Variants in PPP4R4 observed in about 807,000 individuals in gnomAD.
PPP4R4 encodes the protein serine/threonine-protein phosphatase 4 regulatory subunit 4.
In PPP4R4, 70 loss-of-function variants were observed where a neutral mutation model predicts 121.8. That is an observed-to-expected ratio of 0.57 (90% CI 0.47 to 0.70). The LOEUF is 0.70. Among genes scored for constraint, PPP4R4 ranks in the 30% least tolerant of loss-of-function variants. The pLI, the probability that PPP4R4 is intolerant of heterozygous loss-of-function variation, is 0.00. For missense variants in PPP4R4, 875 were observed against 1,033.6 expected (o/e 0.85, Z 2.10); for synonymous variants, 348 against 355.7 (o/e 0.98, Z 0.24).
intron 19 of PPP4R4, among the ~76,000 whole-genome samples, chr14:94,261,416 C>A (rs1345190741): frequency 1.3e-5 from 2 of 151,814 alleles, no homozygotes; most frequent in African/African-American, 4.8e-5. Context: ...TATATATTAA[C>A]CTTGTATCTT....
At position 94,233,773 on chromosome 14, in the gene PPP4R4, T is replaced by C; in HGVS notation, c.623+14T>C. 2 of 1,493,276 alleles carry C rather than the reference T, an allele frequency of 1.3e-6. No individual in the cohort carries two copies. The highest frequency in any genetic ancestry group is 1.9e-6 in the Non-Finnish European group (2 of 1,078,168). The allele number at this position is 1,493,276 out of a possible 1,614,324, so 92.5% of individuals were successfully genotyped here. ...TGATGCCCACACGTGAGTATTTGTA[T>C]GTAATTTTCGGTCTACTTTATTACA... On this transcript the variant is annotated intron_variant, in intron 6 of 24. Coordinates refer to ENST00000304338, the MANE Select transcript of PPP4R4 (RefSeq NM_058237.2).
chr14:94,266,482 C>G (rs1327191569), intron 22 of PPP4R4, among the ~76,000 whole-genome samples: 7 of 152,026 alleles, frequency 4.6e-5, no homozygotes, highest in Non-Finnish European at 1.0e-4. Context: ...TTTAAGAAAA[C>G]AAATATCTTT....
At chr14:94,246,597 C>A in intron 14 of PPP4R4, 58 bp downstream of exon 14, 1 of 1,466,164 alleles carries the variant, frequency 6.8e-7, no homozygotes. Context: ...CTGGAATTAC[C>A]AAAACTCTTC....
At chr14:94,257,387 C>A (rs1170740700) in intron 17 of PPP4R4, among the ~76,000 whole-genome samples, 2 of 151,890 alleles carry the variant, frequency 1.3e-5, no homozygotes, top group African/African-American at 4.8e-5. Flanking sequence ...TGTTTTTGAG[C>A]ATTTATTTAT....
chr14:94,195,713 G>A (rs1269353623), intron 2 of PPP4R4, among the ~76,000 whole-genome samples: 1 of 151,690 alleles, frequency 6.6e-6, no homozygotes, highest in Non-Finnish European at 1.5e-5. Context: ...AGAGGGGAGG[G>A]GAAGGGGGAG....
chr14:94,278,119 T>C (rs1380371575), intron 24 of PPP4R4, among the ~76,000 whole-genome samples: 3 of 152,212 alleles, frequency 2.0e-5, no homozygotes, highest in Non-Finnish European at 4.4e-5. Context: ...AATAAGCCTA[T>C]GAGGTGATTT....
intron 2 of PPP4R4, among the ~76,000 whole-genome samples, chr14:94,192,386 C>G (rs1292198376): frequency 6.6e-6 from 1 of 152,006 alleles, no homozygotes; most frequent in Non-Finnish European, 1.5e-5. Context: ...AAGGTTTTGT[C>G]TTTCTTGGAA....
chr14:94,175,825 A>T, intron 1 of PPP4R4: 1 of 553,950 alleles, frequency 1.8e-6, no homozygotes, highest in Non-Finnish European at 3.2e-6. Flanking sequence ...AGCTAGAAGG[A>T]TAAAAACAGA....
intron 3 of PPP4R4, among the ~76,000 whole-genome samples, chr14:94,213,014 A>G (rs1417554238): frequency 6.6e-6 from 1 of 152,190 alleles, no homozygotes; most frequent in African/African-American, 2.4e-5. Flanking sequence ...AAAATAATGT[A>G]GCCAATATTT....
chr14:94,234,818 C>A, intron 7 of PPP4R4, 149 bp downstream of exon 7: 1 of 637,534 alleles, frequency 1.6e-6, no homozygotes, highest in Non-Finnish European at 2.7e-6. Flanking sequence ...TGGTGGTAGG[C>A]GTTTGATTAA....
intron 24 of PPP4R4, among the ~76,000 whole-genome samples, chr14:94,276,541 G>C (rs527509296): frequency 6.6e-6 from 1 of 152,222 alleles, no homozygotes; most frequent in East Asian, 1.9e-4. Context: ...GTAAAAACAG[G>C]AGCAGGAGAG....
intron 3 of PPP4R4, among the ~76,000 whole-genome samples, chr14:94,213,109 T>C (rs1005545419): frequency 1.3e-5 from 2 of 152,214 alleles, no homozygotes; most frequent in African/African-American, 2.4e-5. Context: ...AGTTCTATAA[T>C]GATCACTTGA....
intron 3 of PPP4R4, among the ~76,000 whole-genome samples, chr14:94,211,782 G>A (rs1270497975): frequency 6.6e-6 from 1 of 152,114 alleles, no homozygotes; most frequent in East Asian, 1.9e-4. Context: ...ACAGTAGAGA[G>A]CAGTAGACAT....
intron 3 of PPP4R4, among the ~76,000 whole-genome samples, chr14:94,216,164 G>A (rs139154924): frequency 2.2e-4 from 33 of 152,302 alleles, no homozygotes; most frequent in Non-Finnish European, 3.8e-4. Context: ...AAAGCAATCC[G>A]TTTCACTTCC....
Position 94,242,325 on chromosome 14 carries a change from A to G in PPP4R4, c.1183A>G (p.Met395Val). 2 of 1,609,888 alleles carry G rather than the reference A, an allele frequency of 1.2e-6. No individual in the cohort carries two copies. Among genetic ancestry groups the G allele is most frequent in the Non-Finnish European group, 8.5e-7 (1 of 1,176,368 alleles). Residue 395 changes from methionine to valine, a missense_variant, in exon 11 of 25, where the codon ATG (methionine) becomes GTG (valine). Coordinates refer to ENST00000304338, the MANE Select transcript of PPP4R4 (RefSeq NM_058237.2). ...TTTTGTTGATCCTAAAAACTTCCAC[A>G]TGGAACTCTATTCTACATTCTTCTG... ...IVFVDPKNFH[M>V]ELYSTFFCLC...
chr14:94,265,784 A>G lies in PPP4R4; in HGVS notation c.2285-10A>G, dbSNP rs758335753. ...GAATACATTTTTCTTTTTTCTGCTTATTGCTCTAGGTAAAGAAATCAAGAA... is the reference window on the plus strand; with the variant it reads ...GAATACATTTTTCTTTTTTCTGCTTGTTGCTCTAGGTAAAGAAATCAAGAA... On this transcript the variant is annotated splice_polypyrimidine_tract_variant and intron_variant, in intron 21 of 24. Transcript: ENST00000304338. The G allele has an allele frequency of 4.4e-6, 7 of 1,577,564 alleles. No individual in the cohort carries two copies. Among genetic ancestry groups the G allele is most frequent in the Non-Finnish European group, 6.1e-6 (7 of 1,154,310 alleles).
chr14:94,277,879 T>C lies in PPP4R4; in HGVS notation c.2598-740T>C, dbSNP rs147926743. 1.9e-3 allele frequency among the ~76,000 whole-genome samples: 295 copies of C among 152,338 alleles called. 1 individual carries two copies. Among genetic ancestry groups the C allele is most frequent in the African/African-American group, 6.6e-3 (276 of 41,576 alleles). On this transcript the variant is annotated intron_variant, in intron 24 of 24. Coordinates refer to ENST00000304338, the MANE Select transcript of PPP4R4 (RefSeq NM_058237.2). ...ATCAGGTTTATTTAGTCTTTTCTGA[T>C]TCTAAAGGAGGGACGTTGATATCCA...
chr14:94,228,132 C>T (rs2139521118), intron 3 of PPP4R4, among the ~76,000 whole-genome samples: 1 of 152,196 alleles, frequency 6.6e-6, no homozygotes, highest in Non-Finnish European at 1.5e-5. Flanking sequence ...AAAAATCAGC[C>T]ACTCTAATAT....
intron 19 of PPP4R4, among the ~76,000 whole-genome samples, chr14:94,261,506 A>G (rs1893784660): frequency 6.6e-6 from 1 of 152,064 alleles, no homozygotes; most frequent in Non-Finnish European, 1.5e-5. Context: ...AAGTGATCAT[A>G]TCTTCTTTAA....
Sources: gnomAD v4.1 joint callset for allele counts (sites outside exome capture counted in the v4.1 genomes callset) on GRCh38, gnomAD v4.1.1 for gene constraint, MANE v1.5 for transcripts, NCBI Gene and HGNC (gene_info 2026-07-23, HGNC 2026-07-21) for gene names.